KDM4C: variants seen among roughly 807,000 people sequenced by gnomAD.
KDM4C encodes the protein lysine-specific demethylase 4C.
Under a neutral mutation model 129.3 loss-of-function variants are expected in KDM4C, and 81 were observed. The observed-to-expected ratio is 0.63, with a 90% CI of 0.52 to 0.75. KDM4C has a LOEUF of 0.75. KDM4C is among the 30% of genes least tolerant of loss of function. The probability of loss-of-function intolerance (pLI) is 0.00; values close to 1 mark genes in which losing one functional copy is unlikely to be tolerated. For missense variants in KDM4C, 1,457 were observed against 1,304.0 expected, an observed-to-expected ratio of 1.12 and a Z score of -1.81; for synonymous variants, 573 against 456.1, an observed-to-expected ratio of 1.26 and a Z score of -3.26.
intron 4 of KDM4C, among the ~76,000 whole-genome samples, chr9:6,823,205 C>G (rs1463759916): frequency 6.6e-6 from 1 of 152,180 alleles, no homozygotes; most frequent in Admixed American, 6.5e-5. Flanking sequence ...AGCTCCTCCT[C>G]TCATCCTCAT....
intron 6 of KDM4C, among the ~76,000 whole-genome samples, chr9:6,884,792 T>G (rs1421051567): frequency 6.6e-6 from 1 of 152,224 alleles, no homozygotes; most frequent in Non-Finnish European, 1.5e-5. Flanking sequence ...TTTTGGTGAT[T>G]TAATACTATA....
At chr9:7,025,961 C>G (rs1587007453) in intron 15 of KDM4C, among the ~76,000 whole-genome samples, 1 of 152,072 alleles carries the variant, frequency 6.6e-6, no homozygotes, top group Non-Finnish European at 1.5e-5. Context: ...TCCCAGCACT[C>G]TGGGAGGCTG....
At chr9:6,949,914 T>G (rs2131494404) in intron 8 of KDM4C, among the ~76,000 whole-genome samples, 1 of 152,310 alleles carries the variant, frequency 6.6e-6, no homozygotes, top group Non-Finnish European at 1.5e-5. Context: ...AAATTGATGT[T>G]CTTTCTGGAT....
intron 8 of KDM4C, among the ~76,000 whole-genome samples, chr9:6,979,076 T>G (rs1563923027): frequency 6.6e-6 from 1 of 152,224 alleles, no homozygotes; most frequent in South Asian, 2.1e-4. Flanking sequence ...GCATCACTTT[T>G]GTTCACTGTT....
chr9:7,173,054 C>T (rs370138075), intron 21 of KDM4C, among the ~76,000 whole-genome samples: 11 of 152,254 alleles, frequency 7.2e-5, no homozygotes, highest in Non-Finnish European at 1.5e-5. Context: ...CAAATACTAG[C>T]CACATTGTTT....
At chr9:6,943,889 C>T (rs1826406847) in intron 8 of KDM4C, among the ~76,000 whole-genome samples, 1 of 152,116 alleles carries the variant, frequency 6.6e-6, no homozygotes, top group Non-Finnish European at 1.5e-5. Flanking sequence ...CCAGATGTTT[C>T]TCATGCTTGC....
intron 17 of KDM4C, among the ~76,000 whole-genome samples, chr9:7,063,968 T>C (rs759544094): frequency 6.6e-6 from 1 of 152,220 alleles, no homozygotes; most frequent in Non-Finnish European, 1.5e-5. Flanking sequence ...TTTGGAGCTG[T>C]GCTGTCTGTG....
At chr9:6,848,085 G>A (rs936783469) in intron 4 of KDM4C, among the ~76,000 whole-genome samples, 2 of 151,982 alleles carry the variant, frequency 1.3e-5, no homozygotes, top group Admixed American at 1.3e-4. Context: ...ATAGACATGG[G>A]GTCTTGCCAT....
At chr9:7,038,982 G>T (rs888616801) in intron 15 of KDM4C, among the ~76,000 whole-genome samples, 4 of 151,844 alleles carry the variant, frequency 2.6e-5, no homozygotes, top group African/African-American at 7.3e-5. Flanking sequence ...TGTATTGGGA[G>T]TATTTTTGTG....
chr9:7,132,213 T>A (rs1162717938), intron 19 of KDM4C, among the ~76,000 whole-genome samples: 1 of 152,234 alleles, frequency 6.6e-6, no homozygotes, highest in Non-Finnish European at 1.5e-5. Flanking sequence ...TGGAGCCTGA[T>A]GCTTTAGTAA....
chr9:6,827,321 A>G (rs1209940615), intron 4 of KDM4C, among the ~76,000 whole-genome samples: 1 of 152,228 alleles, frequency 6.6e-6, no homozygotes, highest in Admixed American at 6.5e-5. Flanking sequence ...ACTTTATGAT[A>G]AGCAATATTT....
chr9:6,776,145 T>C (rs997116969), intron 1 of KDM4C, among the ~76,000 whole-genome samples: 2 of 152,210 alleles, frequency 1.3e-5, no homozygotes, highest in Non-Finnish European at 2.9e-5. Context: ...AATGTAGTGG[T>C]GCGATCGTAG....
intron 17 of KDM4C, among the ~76,000 whole-genome samples, chr9:7,096,475 C>G (rs1264206013): frequency 6.6e-6 from 1 of 152,080 alleles, no homozygotes; most frequent in African/African-American, 2.4e-5. Flanking sequence ...TCTGTTTGGG[C>G]CATGTTAGTT....
chr9:6,982,143 C>T (rs552824091), intron 9 of KDM4C: 22 of 151,774 alleles, frequency 1.4e-4, no homozygotes, highest in Non-Finnish European at 2.8e-4. Context: ...AGCTTGTGTC[C>T]ACTTTTTTGA....
intron 1 of KDM4C, among the ~76,000 whole-genome samples, chr9:6,791,001 C>A (rs1293601856): frequency 6.6e-6 from 1 of 152,180 alleles, no homozygotes; most frequent in Admixed American, 6.5e-5. Flanking sequence ...TCCAGCGGTA[C>A]TTCCAGATAT....
chr9:6,899,406 A>G (rs1174390098), intron 8 of KDM4C, among the ~76,000 whole-genome samples: 2 of 152,040 alleles, frequency 1.3e-5, no homozygotes, highest in Non-Finnish European at 2.9e-5. Flanking sequence ...CAAAGTCCGT[A>G]GTTTACATTA....
In KDM4C at chr9:6,986,474, G is replaced by C. The variant is rs749271732; in HGVS notation, c.1485G>C (p.Glu495Asp). 8 of 1,614,106 alleles carry C rather than the reference G, an allele frequency of 5.0e-6. No homozygotes were observed. The South Asian group carries it at 8.8e-5, about 18-fold the overall frequency. ...DDSIPLSSGY[E>D]KPEKSDPSEL... ...CCATTCCATTGTCTAGTGGCTATGA[G>C]AAGCCCGAGAAATCAGACCCATCCG... Residue 495 changes from glutamate to aspartate, a missense_variant, in exon 11 of 22, where the codon GAG becomes GAC. By Grantham distance (45) the Glu-to-Asp change is conservative. Transcript: ENST00000381309.
At position 6,781,873 on chromosome 9, in the gene KDM4C, G is replaced by C. The variant is rs1824417917; in HGVS notation, c.-17-11099G>C. Among the ~76,000 whole-genome samples, 3 of 151,746 alleles carry C rather than the reference G, an allele frequency of 2.0e-5. No individual in the cohort carries two copies. The South Asian group carries it at 6.2e-4, about 32-fold the overall frequency. On this transcript the variant is annotated intron_variant, in intron 1 of 21. Coordinates refer to ENST00000381309, the MANE Select transcript of KDM4C (RefSeq NM_015061.6). ...CTCACTCTTGTGCCCAGGCTGGCTG[G>C]AGTGCAGTGGCATTATCTCGGCTCA... is the stretch of plus-strand genomic sequence containing the variant.
intron 15 of KDM4C, among the ~76,000 whole-genome samples, chr9:7,042,733 C>G (rs1387176916): frequency 6.6e-6 from 1 of 151,982 alleles, no homozygotes; most frequent in Admixed American, 6.6e-5. Context: ...ACTTTGATAC[C>G]TTATGCCTTG....
Sources: allele counts gnomAD v4.1 joint callset (sites outside exome capture counted in the v4.1 genomes callset), GRCh38; gene constraint gnomAD v4.1.1; transcripts MANE v1.5; gene names NCBI Gene and HGNC (gene_info 2026-07-23, HGNC 2026-07-21).